The following IL1RAPL1 variants were observed in gnomAD, a reference collection of about 807,000 sequenced individuals.
IL1RAPL1 encodes interleukin-1 receptor accessory protein-like 1.
Under a neutral mutation model 48.4 loss-of-function variants are expected in IL1RAPL1, and 3 were observed. That is an observed-to-expected ratio of 0.06 (90% confidence interval 0.03 to 0.16). IL1RAPL1 has a LOEUF of 0.16. Ranked by LOEUF, IL1RAPL1 falls within the 10% of genes least tolerant of loss-of-function variation. The pLI is 1.00. For missense variants in IL1RAPL1, 349 were observed against 530.6 expected (o/e 0.66, Z 3.36); for synonymous variants, 185 against 187.7 (o/e 0.99, Z 0.12).
At chrX:28,752,288 T>A (rs1267841208) in intron 1 of IL1RAPL1, among the ~76,000 whole-genome samples, 1 of 111,732 alleles carries the variant, frequency 8.9e-6, no homozygotes, top group African/African-American at 3.3e-5. Context: ...TCTCCTCTTA[T>A]TTTACATCTT....
intron 3 of IL1RAPL1, among the ~76,000 whole-genome samples, chrX:29,374,094 T>G (rs1456798966): frequency 9.5e-6 from 1 of 104,904 alleles, no homozygotes; most frequent in African/African-American, 3.5e-5. Context: ...GCCTGAAGTT[T>G]TCTTTTTTTG....
intron 8 of IL1RAPL1, among the ~76,000 whole-genome samples, chrX:29,930,432 T>C (rs1019539979): frequency 1.8e-5 from 2 of 112,128 alleles, no homozygotes; most frequent in East Asian, 5.6e-4. Context: ...TAAGCTATTT[T>C]GTAGTACTAG....
At chrX:29,830,617 T>G (rs868635325) in intron 6 of IL1RAPL1, among the ~76,000 whole-genome samples, 1 of 110,310 alleles carries the variant, frequency 9.1e-6, no homozygotes, top group African/African-American at 3.3e-5. Context: ...GCCTGGCTGA[T>G]TTTTTTGTAT....
chrX:28,776,156 A>G (rs1229419829), intron 1 of IL1RAPL1, among the ~76,000 whole-genome samples: 1 of 111,675 alleles, frequency 9.0e-6, no homozygotes, highest in Admixed American at 9.6e-5. Flanking sequence ...GAGCAAGATG[A>G]TATGCATAAT....
intron 6 of IL1RAPL1, among the ~76,000 whole-genome samples, chrX:29,881,799 C>T (rs1004504637): frequency 1.3e-4 from 15 of 111,520 alleles, no homozygotes; most frequent in Non-Finnish European, 3.8e-5. Flanking sequence ...CAGAATTTAA[C>T]ATTTGAATAA....
intron 2 of IL1RAPL1, among the ~76,000 whole-genome samples, chrX:29,120,525 C>A (rs978121964): frequency 1.3e-4 from 14 of 111,602 alleles, no homozygotes; most frequent in African/African-American, 4.2e-4. Flanking sequence ...TGGTACCATG[C>A]TGTTTTGGTT....
chrX:28,730,613 A>G (rs1001309386), intron 1 of IL1RAPL1, among the ~76,000 whole-genome samples: 2 of 111,905 alleles, frequency 1.8e-5, no homozygotes, highest in Non-Finnish European at 3.8e-5. Context: ...GATGTGTGAT[A>G]TACTTGTTGA....
At chrX:29,197,196 A>T in intron 2 of IL1RAPL1, among the ~76,000 whole-genome samples, 1 of 112,153 alleles carries the variant, frequency 8.9e-6, no homozygotes, top group South Asian at 3.7e-4. Flanking sequence ...TTGAACAAAA[A>T]ATTAAGTAGA....
intron 1 of IL1RAPL1, among the ~76,000 whole-genome samples, chrX:28,771,247 T>C (rs754737560): frequency 8.9e-6 from 1 of 111,743 alleles, no homozygotes; most frequent in Non-Finnish European, 1.9e-5. Context: ...CTCAAAGTCT[T>C]GTAATTTAGC....
intron 2 of IL1RAPL1, among the ~76,000 whole-genome samples, chrX:29,204,670 A>G (rs1204445086): frequency 8.9e-6 from 1 of 112,210 alleles, no homozygotes; most frequent in Non-Finnish European, 1.9e-5. Context: ...TATTTTTCCT[A>G]TAAGTAAAAT....
chrX:29,099,830 C>T (rs1261752398), intron 2 of IL1RAPL1, among the ~76,000 whole-genome samples: 1 of 111,621 alleles, frequency 9.0e-6, no homozygotes, highest in Non-Finnish European at 1.9e-5. Context: ...TTTCTAAGAC[C>T]TTCAAAACAT....
chrX:29,664,007 T>G (rs751437705), intron 5 of IL1RAPL1, among the ~76,000 whole-genome samples: 8 of 112,269 alleles, frequency 7.1e-5, no homozygotes, highest in African/African-American at 2.6e-4. Flanking sequence ...GTTAAGTAAT[T>G]TATCCAACTT....
At chrX:28,921,901 C>G (rs1923624259) in intron 2 of IL1RAPL1, among the ~76,000 whole-genome samples, 1 of 111,723 alleles carries the variant, frequency 9.0e-6, no homozygotes, top group Admixed American at 9.5e-5. Flanking sequence ...AACAGTTTTC[C>G]CAAAGTAAGA....
At position 29,782,348 on chromosome X, in the gene IL1RAPL1, T is replaced by G. The variant is rs1181654266; in HGVS notation, c.778+113844T>G. On this transcript the variant is annotated intron_variant, in intron 6 of 10. Coordinates refer to ENST00000378993, the MANE Select transcript of IL1RAPL1 (RefSeq NM_014271.4). Reference sequence around the variant, plus strand: ...TATGTCTTATGAGAGTAGAAAGCAATGAAGAAATATACATACATTTTGCGT... The same window carrying G: ...TATGTCTTATGAGAGTAGAAAGCAAGGAAGAAATATACATACATTTTGCGT... Among the ~76,000 whole-genome samples the G allele has an allele frequency of 4.5e-5, 5 of 111,586 alleles. No homozygotes were observed. In the East Asian group the frequency reaches 1.4e-3, roughly 31 times the overall value.
At chrX:29,543,996 A>C (rs185408652) in intron 5 of IL1RAPL1, among the ~76,000 whole-genome samples, 1 of 112,289 alleles carries the variant, frequency 8.9e-6, no homozygotes, top group African/African-American at 3.2e-5. Flanking sequence ...CACATGTCTC[A>C]TATATGCTTA....
chrX:29,122,409 TCACACACACACACA>T (rs59677285), intron 2 of IL1RAPL1, among the ~76,000 whole-genome samples: 3 of 64,569 alleles, frequency 4.6e-5, no homozygotes, highest in Admixed American at 2.0e-4. Context: ...TCTCTCTCTC[TCACACACACACACA>T]CACACACACA....
intron 1 of IL1RAPL1, among the ~76,000 whole-genome samples, chrX:28,601,812 A>T (rs975595261): frequency 7.2e-5 from 8 of 110,923 alleles, no homozygotes; most frequent in South Asian, 3.8e-4. Flanking sequence ...ATAATAATAA[A>T]AAAAAAAGTT....
In IL1RAPL1 at chrX:29,087,863, C is replaced by T. The variant is rs748783574; in HGVS notation, c.83-195075C>T. Among the ~76,000 whole-genome samples, 536 of 111,559 alleles carry T rather than the reference C, an allele frequency of 4.8e-3. 4 individuals carry two copies. The highest frequency in any genetic ancestry group is 0.017 in the African/African-American group (512 of 30,754). On this transcript the variant is annotated intron_variant, in intron 2 of 10. Transcript: ENST00000378993. ...CGGCCTGGGCAACATGGCAAAACCC[C>T]GTCTCTACAAAAAATACAAAAATTA...
chrX:28,595,534 G>A (rs187153497), intron 1 of IL1RAPL1, among the ~76,000 whole-genome samples: 4 of 111,883 alleles, frequency 3.6e-5, no homozygotes, highest in Non-Finnish European at 5.6e-5. Context: ...GCTGAATCCC[G>A]CAGTGCCCTC....
Sources: gnomAD v4.1 joint callset for allele counts (sites outside exome capture counted in the v4.1 genomes callset) on GRCh38, gnomAD v4.1.1 for gene constraint, MANE v1.5 for transcripts, NCBI Gene and HGNC (gene_info 2026-07-23, HGNC 2026-07-21) for gene names.